The following OTOG variants were observed in gnomAD, a reference collection of about 807,000 sequenced individuals.
OTOG encodes the protein otogelin.
OTOG carries 296 observed loss-of-function variants against 313.8 expected under a neutral mutation model. The observed-to-expected ratio is 0.94, with a 90% CI of 0.86 to 1.04. The LOEUF is 1.04. OTOG is among the 50% of genes least tolerant of loss of function. OTOG has a pLI of 0.00. For synonymous variants in OTOG, 1,533 were observed against 1,554.9 expected, an observed-to-expected ratio of 0.99 and a Z score of 0.33; for missense variants, 3,948 against 3,840.1, an observed-to-expected ratio of 1.03 and a Z score of -0.74.
chr11:17,615,535 A>T (rs1030715976), intron 39 of OTOG, among the ~76,000 whole-genome samples: 1 of 152,240 alleles, frequency 6.6e-6, no homozygotes, highest in East Asian at 1.9e-4. Context: ...GGTACAAAGT[A>T]TGAGTTGAGG....
chr11:17,598,647 T>C (rs1400659100), intron 30 of OTOG, among the ~76,000 whole-genome samples: 1 of 152,222 alleles, frequency 6.6e-6, no homozygotes, highest in Non-Finnish European at 1.5e-5. Flanking sequence ...TTTGGTCCAG[T>C]ATGCACAGCT....
intron 39 of OTOG, among the ~76,000 whole-genome samples, chr11:17,625,805 A>G (rs1853970138): frequency 6.6e-6 from 1 of 152,022 alleles, no homozygotes; most frequent in African/African-American, 2.4e-5. Flanking sequence ...TTTTAACTTG[A>G]TGTGATCCCA....
intron 53 of OTOG, 62 bp from the exon 54 acceptor site, chr11:17,643,399 T>C: frequency 8.3e-7 from 1 of 1,198,068 alleles, no homozygotes; most frequent in African/African-American, 1.6e-5. Flanking sequence ...TCTGGGATCT[T>C]GGCTCCCGGC....
chr11:17,590,920 C>T (rs910716844), intron 24 of OTOG, among the ~76,000 whole-genome samples: 2 of 152,212 alleles, frequency 1.3e-5, no homozygotes, highest in Non-Finnish European at 2.9e-5. Context: ...GTAACCCACT[C>T]CACCCACATT....
chr11:17,645,794 C>T lies in OTOG; in HGVS notation c.8592C>T (p.Asn2864=), dbSNP rs1483784070. Residue 2864 remains asparagine, a synonymous_variant, in exon 56 of 56, where the codon AAC becomes AAT. Transcript: ENST00000399397. ...GGTGCCCATCCGCCAGCATCTACAACTACAACATCAACACCTATGCCCGAT... is the reference window on the plus strand; with the variant it reads ...GGTGCCCATCCGCCAGCATCTACAATTACAACATCAACACCTATGCCCGAT... The part of the protein sequence containing the change: ...DGRCPSASIY[N]YNINTYARFC... 2 of 1,551,024 alleles carry T rather than the reference C, an allele frequency of 1.3e-6. No homozygotes were observed. Among genetic ancestry groups the T allele is most frequent in the Non-Finnish European group, 1.7e-6 (2 of 1,147,132 alleles).
intron 29 of OTOG, among the ~76,000 whole-genome samples, 196 bp downstream of exon 29, chr11:17,596,350 A>T (rs546050020): frequency 7.2e-5 from 11 of 152,356 alleles, no homozygotes; most frequent in African/African-American, 2.6e-4. Flanking sequence ...ACAGACAGCC[A>T]GGAAAACAGA....
Position 17,573,008 on chromosome 11 carries a change from A to G in OTOG, c.2081-70A>G, listed in dbSNP as rs140774757. 4,235 of 1,372,796 alleles carry G rather than the reference A, an allele frequency of 3.1e-3. 92 individuals are homozygous for G. The African/African-American group carries it at 0.05, about 16-fold the overall frequency. The allele number at this position is 1,372,796 out of a possible 1,614,324, so 85.0% of individuals were successfully genotyped here. ...ACACCCCTGAGCCATGGGGAGGGAG[A>G]GAGGCTGATCCTGGGACACCAGGTA... On this transcript the variant is annotated intron_variant, in intron 18 of 55. Transcript: ENST00000399397.
At chr11:17,601,254 G>A (rs978379287) in intron 31 of OTOG, among the ~76,000 whole-genome samples, 1 of 152,174 alleles carries the variant, frequency 6.6e-6, no homozygotes, top group African/African-American at 2.4e-5. Flanking sequence ...GGGCACAGAG[G>A]AGGAGGGACA....
rs988460880 is a variant in OTOG at position 17,633,748 on chromosome 11, C to A, written c.7141C>A (p.Gln2381Lys). 3.9e-5 allele frequency: 60 copies of A among 1,550,376 alleles called. No individual in the cohort carries two copies. Among genetic ancestry groups the A allele is most frequent in the Non-Finnish European group, 5.1e-5 (59 of 1,146,952 alleles). The change falls in exon 43 of 56, where the codon CAG (glutamine) becomes AAG (lysine). Residue 2381 changes from glutamine to lysine, a missense_variant. By Grantham distance (53) the Gln-to-Lys change is moderately conservative (BLOSUM62 1). Coordinates refer to ENST00000399397, the MANE Select transcript of OTOG (RefSeq NM_001292063.2). Reference protein sequence around the residue: ...VTACEPPKTCQDGILGPLDPE... With the variant: ...VTACEPPKTCKDGILGPLDPE... ...AGCCTGTGAGCCACCCAAGACATGC[C>A]AGGATGGGATACTAGGGCCTCTGGA...
chr11:17,638,518 C>T lies in OTOG; in HGVS notation c.7863C>T (p.Ser2621=), dbSNP rs1291422842. 4 of 1,550,390 alleles carry T rather than the reference C, an allele frequency of 2.6e-6. No homozygotes were observed. The highest frequency in any genetic ancestry group is 1.2e-5 in the South Asian group (1 of 84,054). The change falls in exon 48 of 56, where the codon AGC becomes AGT. Residue 2621 remains serine, a synonymous_variant. Coordinates refer to ENST00000399397, the MANE Select transcript of OTOG (RefSeq NM_001292063.2). ...GLGTALVEVW[S]PDRCCPYKSC... ...GCACTGCCCTGGTGGAGGTGTGGAG[C>T]CCCGACCGCTGCTGCCCCTACAAAT...
At chr11:17,581,593 C>T (rs1298803837) in intron 23 of OTOG, among the ~76,000 whole-genome samples, 2 of 152,116 alleles carry the variant, frequency 1.3e-5, no homozygotes, top group Admixed American at 6.5e-5. Flanking sequence ...ATGCCTCACT[C>T]TTTTTTCTTT....
intron 42 of OTOG, among the ~76,000 whole-genome samples, chr11:17,633,322 AAAGT>A (rs1446831224): frequency 2.0e-5 from 3 of 152,274 alleles, no homozygotes; most frequent in Non-Finnish European, 2.9e-5. Context: ...AAAGAGCCAG[AAAGT>A]AAGTATTTGA....
In OTOG at chr11:17,593,575, C is replaced by T. The variant is rs1026957454; in HGVS notation, c.3142-35C>T. 33 of 1,543,314 alleles carry T rather than the reference C, an allele frequency of 2.1e-5. No homozygotes were observed. The East Asian group carries it at 6.6e-4, about 31-fold the overall frequency. ...TAGCTGACCTGGGCGCTAGGGGGCA[C>T]TTGGGCTCAGGACTGACCATCTCTG... On this transcript the variant is annotated intron_variant, in intron 26 of 55. Transcript: ENST00000399397.
intron 4 of OTOG, 55 bp from the exon 5 acceptor site, chr11:17,553,064 C>T: frequency 3.3e-6 from 5 of 1,517,954 alleles, no homozygotes; most frequent in East Asian, 2.5e-5. Context: ...GGCTGCCTCC[C>T]TGGGTTCTGC....
chr11:17,563,185 C>A (rs1479245607), intron 15 of OTOG, among the ~76,000 whole-genome samples: 4 of 152,210 alleles, frequency 2.6e-5, no homozygotes, highest in Admixed American at 2.0e-4. Context: ...TGTCTCTCAG[C>A]GGAGACTCCG....
intron 23 of OTOG, among the ~76,000 whole-genome samples, chr11:17,583,177 C>G (rs1332512064): frequency 1.3e-5 from 2 of 152,006 alleles, no homozygotes; most frequent in East Asian, 3.9e-4. Context: ...CTCTGCTGCT[C>G]AGGCAGGAGT....
rs1207125510 is a variant in OTOG at position 17,606,050 on chromosome 11, C to T, written c.4071C>T (p.Phe1357=). The T allele has an allele frequency of 6.4e-7, 1 of 1,550,538 alleles. No homozygotes were observed. The highest frequency in any genetic ancestry group is 2.0e-5 in the Admixed American group (1 of 50,998). Residue 1357 remains phenylalanine (F), a synonymous_variant, in exon 33 of 56, where the codon TTC becomes TTT. Transcript: ENST00000399397. ...AGTCCCTGGCCAAGCCCAGCTCCTT[C>T]CTCTATGTGTCGGGCGCGGTGCTGG... The part of the protein sequence containing the change: ...ALESLAKPSS[F]LYVSGAVLAL...
At chr11:17,643,938 C>T (rs887256121) in intron 54 of OTOG, among the ~76,000 whole-genome samples, 75 of 152,336 alleles carry the variant, frequency 4.9e-4, no homozygotes, top group African/African-American at 1.5e-3. Context: ...CCGTTAGTCC[C>T]GCCTCTCCTC....
intron 53 of OTOG, among the ~76,000 whole-genome samples, chr11:17,643,022 G>A (rs1039907280): frequency 2.2e-4 from 34 of 152,128 alleles, no homozygotes; most frequent in African/African-American, 7.0e-4. Flanking sequence ...GGGTTTTAAC[G>A]GATACTTGCC....
Sources: gnomAD v4.1 joint callset for allele counts (sites outside exome capture counted in the v4.1 genomes callset) on GRCh38, gnomAD v4.1.1 for gene constraint, MANE v1.5 for transcripts, NCBI Gene and HGNC (gene_info 2026-07-23, HGNC 2026-07-21) for gene names.